The following RSU1 variants were observed in gnomAD, a reference collection of about 807,000 sequenced individuals.
The protein encoded by RSU1 is rsu-1.
Under a neutral mutation model 31.1 loss-of-function variants are expected in RSU1, and 26 were observed. That is an observed-to-expected ratio of 0.84 (90% CI 0.61 to 1.16). The LOEUF is 1.16. Ranked by LOEUF, RSU1 falls within the 50% of genes most tolerant of loss-of-function variation. The probability of loss-of-function intolerance (pLI) is 0.00; values close to 1 mark genes in which losing one functional copy is unlikely to be tolerated. For missense variants in RSU1, 320 were observed against 339.1 expected, an observed-to-expected ratio of 0.94 and a Z score of 0.44; for synonymous variants, 164 against 136.3, an observed-to-expected ratio of 1.20 and a Z score of -1.41.
At chr10:16,748,705 C>A (rs1378550169) in intron 7 of RSU1, among the ~76,000 whole-genome samples, 3 of 152,086 alleles carry the variant, frequency 2.0e-5, no homozygotes, top group Non-Finnish European at 4.4e-5. Context: ...ACTGGCCTTG[C>A]TCTTCCTCAA....
intron 8 of RSU1, among the ~76,000 whole-genome samples, chr10:16,637,454 AG>A (rs1312126346): frequency 2.0e-5 from 3 of 150,664 alleles, no homozygotes; most frequent in African/African-American, 7.4e-5. Context: ...CATTTTCCTA[AG>A]GATTTTTTTT....
chr10:16,594,690 TTA>T (rs1833580267), intron 8 of RSU1, among the ~76,000 whole-genome samples: 1 of 139,944 alleles, frequency 7.1e-6, no homozygotes, highest in African/African-American at 3.0e-5. Flanking sequence ...TATCTGTATA[TTA>T]TATGTATCAT....
At position 16,806,594 on chromosome 10, in the gene RSU1, T is replaced by C. The variant is rs551596900; in HGVS notation, c.109+10379A>G. On this transcript the variant is annotated intron_variant, in intron 2 of 8. Coordinates refer to ENST00000345264, the MANE Select transcript of RSU1 (RefSeq NM_012425.4). ...ATGTGGTAAATGTGTGCGTGTATTA[T>C]ATTAATACACTCCATGCATAGATGG... Among the ~76,000 whole-genome samples, 18 of 152,324 alleles carry C rather than the reference T, an allele frequency of 1.2e-4. No homozygotes were observed. The East Asian group carries it at 2.9e-3, about 24-fold the overall frequency.
Position 16,789,650 on chromosome 10 carries a change from C to T in RSU1, c.110-7566G>A, listed in dbSNP as rs185413708. Reference sequence around the variant, plus strand: ...CAAAAGCTGCCCCCGTTGAACGTGTCGGGAAAATGGGAGCAGGCTGTACCA... The same window carrying T: ...CAAAAGCTGCCCCCGTTGAACGTGTTGGGAAAATGGGAGCAGGCTGTACCA... On this transcript the variant is annotated intron_variant, in intron 2 of 8. Transcript: ENST00000345264. Among the ~76,000 whole-genome samples the T allele has an allele frequency of 2.6e-3, 389 of 152,266 alleles. 1 individual carries two copies. The highest frequency in any genetic ancestry group is 8.8e-3 in the African/African-American group (365 of 41,558).
intron 3 of RSU1, among the ~76,000 whole-genome samples, chr10:16,776,405 C>G (rs1017527347): frequency 2.3e-4 from 35 of 151,706 alleles, no homozygotes; most frequent in Admixed American, 4.6e-4. Context: ...ATTATTGAAA[C>G]CACCAAAGAA....
intron 4 of RSU1, among the ~76,000 whole-genome samples, 153 bp downstream of exon 4, chr10:16,764,237 A>G (rs190574736): frequency 6.6e-5 from 10 of 152,124 alleles, no homozygotes; most frequent in Non-Finnish European, 8.8e-5. Context: ...AGAATATATT[A>G]AAACAATAAA....
In RSU1 at chr10:16,796,967, A is replaced by C. The variant is rs114172672; in HGVS notation, c.110-14883T>G. On this transcript the variant is annotated intron_variant, in intron 2 of 8. Coordinates refer to ENST00000345264, the MANE Select transcript of RSU1 (RefSeq NM_012425.4). Reference sequence around the variant, plus strand: ...AGAGAGAACCCAAGGGGCAACTAACAAACTTGACAACTGAGAACCCCCGAA... The same window carrying C: ...AGAGAGAACCCAAGGGGCAACTAACCAACTTGACAACTGAGAACCCCCGAA... Among the ~76,000 whole-genome samples the C allele has an allele frequency of 4.2e-3, 640 of 152,326 alleles. 4 individuals are homozygous for C. The highest frequency in any genetic ancestry group is 0.014 in the African/African-American group (579 of 41,568).
intron 2 of RSU1, among the ~76,000 whole-genome samples, chr10:16,808,128 G>A (rs908205144): frequency 5.3e-5 from 8 of 151,744 alleles, no homozygotes; most frequent in Admixed American, 2.0e-4. Flanking sequence ...TGAGCCCTTC[G>A]GGGCTAGGAT....
chr10:16,785,567 G>T (rs1300717280), intron 2 of RSU1, among the ~76,000 whole-genome samples: 1 of 149,524 alleles, frequency 6.7e-6, no homozygotes, highest in African/African-American at 2.5e-5. Flanking sequence ...ATACAGGAGG[G>T]ATGGTGCTAA....
intron 7 of RSU1, among the ~76,000 whole-genome samples, chr10:16,731,014 G>C (rs903552140): frequency 6.6e-6 from 1 of 151,974 alleles, no homozygotes; most frequent in African/African-American, 2.4e-5. Context: ...AGTAGAGATG[G>C]GGTTTCACCA....
intron 8 of RSU1, among the ~76,000 whole-genome samples, chr10:16,647,996 T>G (rs1219751658): frequency 1.3e-5 from 2 of 152,026 alleles, no homozygotes; most frequent in Non-Finnish European, 2.9e-5. Flanking sequence ...TCACCCAGGC[T>G]GGAGTGTGGT....
intron 7 of RSU1, among the ~76,000 whole-genome samples, chr10:16,737,169 A>T (rs1366433444): frequency 6.6e-6 from 1 of 151,902 alleles, no homozygotes; most frequent in Non-Finnish European, 1.5e-5. Flanking sequence ...TCAATCAATC[A>T]ATAAAAAAAA....
chr10:16,759,141 G>A (rs1266876582), intron 4 of RSU1, among the ~76,000 whole-genome samples: 9 of 152,024 alleles, frequency 5.9e-5, no homozygotes, highest in African/African-American at 2.2e-4. Flanking sequence ...AAACCTTCTT[G>A]TCTAAAGGCA....
intron 7 of RSU1, among the ~76,000 whole-genome samples, chr10:16,735,636 G>T (rs920250643): frequency 6.6e-6 from 1 of 152,114 alleles, no homozygotes; most frequent in African/African-American, 2.4e-5. Context: ...GCATGGCTGG[G>T]GAGGCCTCAG....
Position 16,648,136 on chromosome 10 carries a change from T to TATTTTATTTTTTA in RSU1, c.731+46886_731+46887insTAAAAAATAAAAT, listed in dbSNP as rs1274056552. Among the ~76,000 whole-genome samples, 193 of 135,506 alleles carry TATTTTATTTTTTA rather than the reference T, an allele frequency of 1.4e-3. 1 individual carries two copies. Among genetic ancestry groups the TATTTTATTTTTTA allele is most frequent in the African/African-American group, 7.0e-3 (183 of 26,192 alleles). 88.9% of individuals were successfully genotyped at this position (135,506 alleles called of 152,430 possible). ...GCTAATTTAAAAAAAAAAAAAATTT[T>TATTTTATTTTTTA]TTTTTTTTTTTAAGAGACTAGGTCT... On this transcript the variant is annotated intron_variant, in intron 8 of 8. Transcript: ENST00000345264.
intron 7 of RSU1, among the ~76,000 whole-genome samples, chr10:16,710,375 T>C (rs1835991888): frequency 6.6e-6 from 1 of 152,214 alleles, no homozygotes; most frequent in African/African-American, 2.4e-5. Context: ...CAGTGAATGA[T>C]CTTTTTAATG....
In RSU1 at chr10:16,624,775, T is replaced by C. The variant is rs559588757; in HGVS notation, c.732-31279A>G. 7.2e-5 allele frequency among the ~76,000 whole-genome samples: 11 copies of C among 152,284 alleles called. No homozygotes were observed. The East Asian group carries it at 1.9e-3, about 27-fold the overall frequency. On this transcript the variant is annotated intron_variant, in intron 8 of 8. Transcript: ENST00000345264. ...AGAATCTTACAAATCTCTGTCCACATAGTCTGGTCCCATGCACACAAGGTA... is the reference window on the plus strand; with the variant it reads ...AGAATCTTACAAATCTCTGTCCACACAGTCTGGTCCCATGCACACAAGGTA...
chr10:16,665,844 T>C (rs1439555964), intron 8 of RSU1, among the ~76,000 whole-genome samples: 8 of 152,156 alleles, frequency 5.3e-5, no homozygotes, highest in Non-Finnish European at 1.2e-4. Context: ...ATGGACAAGG[T>C]AACATATTGG....
chr10:16,648,432 T>C (rs1347908499), intron 8 of RSU1, among the ~76,000 whole-genome samples: 3 of 152,190 alleles, frequency 2.0e-5, no homozygotes, highest in Non-Finnish European at 4.4e-5. Flanking sequence ...GCAGAGAGCT[T>C]ATTGCTTTTC....
Sources: gnomAD v4.1 joint callset for allele counts (sites outside exome capture counted in the v4.1 genomes callset) on GRCh38, gnomAD v4.1.1 for gene constraint, MANE v1.5 for transcripts, NCBI Gene and HGNC (gene_info 2026-07-23, HGNC 2026-07-21) for gene names.